The following ATRX variants were observed in gnomAD, a reference collection of about 807,000 sequenced individuals.
ATRX encodes the protein ATRX chromatin remodeler.
In ATRX, 12 loss-of-function variants were observed where a neutral mutation model predicts 172.6. That is an observed-to-expected ratio of 0.07 (90% confidence interval 0.04 to 0.11). The LOEUF is 0.11. Among genes scored for constraint, ATRX ranks in the 10% least tolerant of loss-of-function variants. The pLI is 1.00. For synonymous variants in ATRX, 674 were observed against 594.7 expected (o/e 1.13, Z -1.94); for missense variants, 1,368 against 1,767.4 (o/e 0.77, Z 4.05).
chrX:77,628,065 A>C (rs1461858635), intron 19 of ATRX, among the ~76,000 whole-genome samples: 2 of 112,447 alleles, frequency 1.8e-5, no homozygotes, highest in Non-Finnish European at 3.8e-5. Context: ...GCAGAAGAAC[A>C]GGAATTTAGA....
intron 1 of ATRX, among the ~76,000 whole-genome samples, chrX:77,781,795 T>C (rs1034718206): frequency 1.8e-5 from 2 of 111,653 alleles, no homozygotes; most frequent in East Asian, 5.6e-4. Context: ...TAGTTTCTGA[T>C]ATCCAAAAGA....
chrX:77,557,978 C>CA, intron 29 of ATRX, among the ~76,000 whole-genome samples: 1 of 111,169 alleles, frequency 9.0e-6, no homozygotes, highest in Non-Finnish European at 1.9e-5. Context: ...GGGACAGACA[C>CA]AAAAAACATT....
intron 30 of ATRX, among the ~76,000 whole-genome samples, chrX:77,549,563 AAC>A (rs2147897321): frequency 8.9e-6 from 1 of 112,564 alleles, no homozygotes; most frequent in South Asian, 3.6e-4. Context: ...TAACATTTTA[AAC>A]ACAAGCCATT....
Position 77,684,381 on chromosome X carries a change from T to A in ATRX, c.875A>T (p.Gln292Leu), listed in dbSNP as rs1557142653. 8.3e-7 allele frequency: 1 copy of A among 1,209,565 alleles called. No individual in the cohort carries two copies. The highest frequency in any genetic ancestry group is 1.7e-5 in the African/African-American group (1 of 57,373). ...SVFENLEQLL[Q>L]QNKKKIKVDS... Reference sequence around the variant, plus strand: ...AACTTTTATCTTCTTCTTATTTTGCTGCAACAACTGTTCTAAATTCTCAAA... The same window carrying A: ...AACTTTTATCTTCTTCTTATTTTGCAGCAACAACTGTTCTAAATTCTCAAA... Residue 292 changes from glutamine (Q) to leucine (L), a missense_variant, in exon 9 of 35, where the codon CAG becomes CTG. By Grantham distance (113) the Gln-to-Leu change is moderately radical. Coordinates refer to ENST00000373344, the MANE Select transcript of ATRX (RefSeq NM_000489.6).
chrX:77,582,996 G>T (rs1356471327), intron 27 of ATRX, among the ~76,000 whole-genome samples: 2 of 111,425 alleles, frequency 1.8e-5, no homozygotes, highest in Non-Finnish European at 3.8e-5. Flanking sequence ...ATTTTACAAG[G>T]CCAGTATTAC....
chrX:77,659,620 T>C (rs2069759706), intron 12 of ATRX, among the ~76,000 whole-genome samples: 1 of 109,693 alleles, frequency 9.1e-6, no homozygotes, highest in Non-Finnish European at 1.9e-5. Flanking sequence ...CATAACTAAA[T>C]ACCATTATCA....
chrX:77,608,720 C>CA (rs1602793654), intron 22 of ATRX, among the ~76,000 whole-genome samples: 1 of 111,398 alleles, frequency 9.0e-6, no homozygotes, highest in African/African-American at 3.3e-5. Flanking sequence ...GCAACCAACA[C>CA]AAAAAAATGG....
At chrX:77,634,561 A>G (rs782307933) in intron 17 of ATRX, 33 bp downstream of exon 17, 1 of 1,116,904 alleles carries the variant, frequency 9.0e-7, no homozygotes, top group South Asian at 1.8e-5. Flanking sequence ...GAATCCACAA[A>G]AACAGGATAC....
intron 1 of ATRX, among the ~76,000 whole-genome samples, chrX:77,755,351 T>C (rs1481215911): frequency 3.6e-5 from 4 of 112,222 alleles, no homozygotes; most frequent in Non-Finnish European, 7.5e-5. Context: ...GTCAAACTCA[T>C]TCTCCGTCCA....
intron 2 of ATRX, among the ~76,000 whole-genome samples, chrX:77,712,393 C>T (rs1026489070): frequency 1.8e-5 from 2 of 112,235 alleles, no homozygotes; most frequent in Non-Finnish European, 3.8e-5. Context: ...CACAGGACTC[C>T]GACAACGTAA....
chrX:77,745,099 G>A (rs1020981862), intron 1 of ATRX, among the ~76,000 whole-genome samples: 3 of 101,819 alleles, frequency 2.9e-5, no homozygotes, highest in Admixed American at 1.1e-4. Flanking sequence ...CTAAGCCTGC[G>A]AGGTTGAGGC....
At chrX:77,707,437 A>G (rs2072892047) in intron 2 of ATRX, among the ~76,000 whole-genome samples, 1 of 112,793 alleles carries the variant, frequency 8.9e-6, no homozygotes, top group Non-Finnish European at 1.9e-5. Context: ...GAAAGCATAA[A>G]TACCCATTTT....
chrX:77,599,912 C>T, intron 23 of ATRX, 92 bp from the exon 24 acceptor site: 1 of 744,293 alleles, frequency 1.3e-6, no homozygotes, highest in Non-Finnish European at 2.0e-6. Context: ...AGTTAATTGG[C>T]ACGAGCTGAG....
At chrX:77,720,384 T>A (rs782489772) in intron 1 of ATRX, among the ~76,000 whole-genome samples, 61 of 111,594 alleles carry the variant, frequency 5.5e-4, no homozygotes, top group African/African-American at 2.0e-3. Flanking sequence ...TATCAGTGAA[T>A]TCAGGAGGTG....
intron 28 of ATRX, among the ~76,000 whole-genome samples, chrX:77,570,327 C>T (rs1456577903): frequency 9.2e-6 from 1 of 108,915 alleles, no homozygotes; most frequent in East Asian, 2.9e-4. Flanking sequence ...TACTGGTGTG[C>T]ATCACCATGC....
chrX:77,698,138 G>GT (rs1436246626), intron 3 of ATRX, among the ~76,000 whole-genome samples: 30 of 110,080 alleles, frequency 2.7e-4, no homozygotes, highest in African/African-American at 4.0e-4. Context: ...ACTGGATTCA[G>GT]TTTTTTTTTA....
intron 1 of ATRX, among the ~76,000 whole-genome samples, chrX:77,782,498 C>T (rs1197357251): frequency 8.9e-6 from 1 of 112,321 alleles, no homozygotes; most frequent in African/African-American, 3.2e-5. Context: ...CCTGTAATCC[C>T]AGCACTTTGG....
chrX:77,590,335 G>A (rs1465391663), intron 26 of ATRX, among the ~76,000 whole-genome samples: 1 of 111,108 alleles, frequency 9.0e-6, no homozygotes, highest in Non-Finnish European at 1.9e-5. Flanking sequence ...TGGTAGCCGG[G>A]CGCAGTGGCT....
At chrX:77,603,654 A>T (rs781909505) in intron 22 of ATRX, among the ~76,000 whole-genome samples, 15 of 110,055 alleles carry the variant, frequency 1.4e-4, no homozygotes, top group Non-Finnish European at 2.8e-4. Context: ...AGGATTACAG[A>T]TGTGAGCTAC....
Sources: allele counts gnomAD v4.1 joint callset (sites outside exome capture counted in the v4.1 genomes callset), GRCh38; gene constraint gnomAD v4.1.1; transcripts MANE v1.5; gene names NCBI Gene and HGNC (gene_info 2026-07-23, HGNC 2026-07-21).